The following ATP10A variants were observed in gnomAD, a reference collection of about 807,000 sequenced individuals.
The protein encoded by ATP10A is phospholipid-transporting ATPase VA.
Under a neutral mutation model 147.8 loss-of-function variants are expected in ATP10A, and 111 were observed. The observed-to-expected ratio is 0.75, with a 90% CI of 0.64 to 0.88. The LOEUF (loss-of-function observed/expected upper bound fraction) is 0.88. ATP10A is among the 40% of genes least tolerant of loss of function. The pLI, the probability that ATP10A is intolerant of heterozygous loss-of-function variation, is 0.00. For synonymous variants in ATP10A, 875 were observed against 841.6 expected (o/e 1.04, Z -0.69); for missense variants, 1,927 against 1,959.0 (o/e 0.98, Z 0.31).
intron 1 of ATP10A, among the ~76,000 whole-genome samples, chr15:25,838,292 T>C (rs1037775625): frequency 2.0e-5 from 3 of 152,208 alleles, no homozygotes; most frequent in Non-Finnish European, 2.9e-5. Flanking sequence ...TGGAATATAC[T>C]GCCCATCTCA....
rs1168979137 is a variant in ATP10A, at chr15:25,736,994, C to T, written c.655-853G>A. 2.0e-5 allele frequency among the ~76,000 whole-genome samples: 3 copies of T among 152,206 alleles called. No individual in the cohort carries two copies. The South Asian group carries it at 6.2e-4, about 31-fold the overall frequency. On this transcript the variant is annotated intron_variant, in intron 2 of 20. Coordinates refer to ENST00000555815, the MANE Select transcript of ATP10A (RefSeq NM_024490.4). ...CCACCCCAGGTTAACTATGGCTCTG[C>T]CGCAACCACACATTTCCCTGCATAG...
chr15:25,752,530 C>T (rs12438227), intron 2 of ATP10A, among the ~76,000 whole-genome samples: 5,346 of 152,106 alleles, frequency 0.035, 354 homozygotes, highest in Admixed American at 0.17. Flanking sequence ...AAGGGTACAA[C>T]ATCTCAGGTA....
chr15:25,698,256 T>C (rs1410582622), intron 13 of ATP10A, among the ~76,000 whole-genome samples: 1 of 152,250 alleles, frequency 6.6e-6, no homozygotes, highest in Non-Finnish European at 1.5e-5. Context: ...GTCTGTACTA[T>C]CCTCACAGTT....
At chr15:25,697,093 A>G (rs1394298345) in intron 13 of ATP10A, among the ~76,000 whole-genome samples, 1 of 152,226 alleles carries the variant, frequency 6.6e-6, no homozygotes, top group Non-Finnish European at 1.5e-5. Flanking sequence ...AAAATTGTAA[A>G]GAGAAGCTTG....
At chr15:25,803,140 G>A (rs921394140) in intron 1 of ATP10A, among the ~76,000 whole-genome samples, 6 of 152,130 alleles carry the variant, frequency 3.9e-5, no homozygotes, top group African/African-American at 1.2e-4. Context: ...TAGCAATCTC[G>A]GCACCTGCGA....
chr15:25,823,474 C>A (rs1555475846), intron 1 of ATP10A, among the ~76,000 whole-genome samples: 1 of 152,198 alleles, frequency 6.6e-6, no homozygotes, highest in Non-Finnish European at 1.5e-5. Flanking sequence ...CCCCCAGGTG[C>A]CCTTCTGTGG....
chr15:25,845,330 G>GTT (rs149922723), intron 1 of ATP10A, among the ~76,000 whole-genome samples: 15,096 of 148,272 alleles, frequency 0.1, 821 homozygotes, highest in South Asian at 0.21. Context: ...GTTTGTGTGT[G>GTT]TGTGTGTGTG....
intron 8 of ATP10A, 68 bp downstream of exon 8, chr15:25,718,114 T>C (rs1197459539): frequency 3.3e-6 from 5 of 1,508,062 alleles, no homozygotes; most frequent in Non-Finnish European, 4.6e-6. Flanking sequence ...ACACCTTCCA[T>C]GAGCGGGGGA....
chr15:25,720,510 T>C (rs1247862604), intron 7 of ATP10A, among the ~76,000 whole-genome samples: 1 of 152,060 alleles, frequency 6.6e-6, no homozygotes, highest in Non-Finnish European at 1.5e-5. Context: ...AGTTCTGTTT[T>C]TGAGAAGAGC....
intron 3 of ATP10A, among the ~76,000 whole-genome samples, chr15:25,733,630 C>T (rs1188377320): frequency 6.6e-6 from 1 of 152,228 alleles, no homozygotes; most frequent in Non-Finnish European, 1.5e-5. Context: ...GTGGCAAGCC[C>T]AGAACACCCC....
intron 1 of ATP10A, among the ~76,000 whole-genome samples, chr15:25,850,475 C>G (rs1481683599): frequency 6.6e-6 from 1 of 152,208 alleles, no homozygotes; most frequent in Admixed American, 6.5e-5. Flanking sequence ...CAGCCGAGCC[C>G]TGAAGGGAAA....
At chr15:25,832,786 A>C (rs1682964590) in intron 1 of ATP10A, among the ~76,000 whole-genome samples, 1 of 152,072 alleles carries the variant, frequency 6.6e-6, no homozygotes, top group African/African-American at 2.4e-5. Flanking sequence ...ACAGTAATTT[A>C]GTGTGTATTT....
rs1899526080 is a variant in ATP10A at position 25,683,296 on chromosome 15, T to C, written c.3482A>G (p.Gln1161Arg). ...TCGGGGGAGCTTTACCTCCATGTTC[T>C]GGCCACTCTTGTAGAGCTGCGGGTT... is the stretch of plus-strand genomic sequence containing the variant. ...LTNPQLYKSG[Q>R]NMEEYRPRTF... Residue 1161 changes from glutamine to arginine, a missense_variant, in exon 17 of 21, where the codon CAG (glutamine) becomes CGG (arginine). By Grantham distance (43) the Gln-to-Arg change is conservative. Transcript: ENST00000555815. 6.2e-7 allele frequency: 1 copy of C among 1,613,700 alleles called. No individual in the cohort carries two copies. Among genetic ancestry groups the C allele is most frequent in the African/African-American group, 1.3e-5 (1 of 74,912 alleles).
chr15:25,819,457 G>A (rs185746577), intron 1 of ATP10A, among the ~76,000 whole-genome samples: 48 of 152,178 alleles, frequency 3.2e-4, no homozygotes, highest in Admixed American at 2.0e-3. Flanking sequence ...AAAAGGGAAC[G>A]CTTAAACACT....
chr15:25,858,356 G>A (rs80163570), intron 1 of ATP10A, among the ~76,000 whole-genome samples: 4,351 of 152,198 alleles, frequency 0.029, 241 homozygotes, highest in African/African-American at 0.098. Flanking sequence ...AGGGAGGGAT[G>A]GAGGGAATAT....
At chr15:25,703,476 G>A (rs959159296) in intron 12 of ATP10A, among the ~76,000 whole-genome samples, 1 of 152,252 alleles carries the variant, frequency 6.6e-6, no homozygotes, top group African/African-American at 2.4e-5. Flanking sequence ...GACATTGTGA[G>A]CTGTTAGAGC....
At chr15:25,824,777 G>C (rs1892047974) in intron 1 of ATP10A, among the ~76,000 whole-genome samples, 2 of 152,160 alleles carry the variant, frequency 1.3e-5, no homozygotes, top group South Asian at 4.2e-4. Context: ...AAGAAAAATG[G>C]CTGAAACTCA....
intron 5 of ATP10A, among the ~76,000 whole-genome samples, chr15:25,725,407 G>C (rs1902483785): frequency 6.6e-6 from 1 of 152,118 alleles, no homozygotes; most frequent in Non-Finnish European, 1.5e-5. Context: ...TTGAGCATCT[G>C]AAGATTTTGT....
chr15:25,854,081 A>AT, intron 1 of ATP10A, among the ~76,000 whole-genome samples: 1 of 152,282 alleles, frequency 6.6e-6, no homozygotes, highest in East Asian at 1.9e-4. Context: ...ATAATAATAT[A>AT]TTTTTTAGAA....
Sources: allele counts gnomAD v4.1 joint callset (sites outside exome capture counted in the v4.1 genomes callset), GRCh38; gene constraint gnomAD v4.1.1; transcripts MANE v1.5; gene names NCBI Gene and HGNC (gene_info 2026-07-23, HGNC 2026-07-21).